Variants in EPHA6 observed in about 807,000 individuals in gnomAD.
EPHA6 encodes EPH receptor A6, also known as ephrin type-A receptor 6.
EPHA6 carries 50 observed loss-of-function variants against 112.0 expected under a neutral mutation model. That is an observed-to-expected ratio of 0.45 (90% CI 0.36 to 0.56). The LOEUF (loss-of-function observed/expected upper bound fraction) is 0.56. Among genes scored for constraint, EPHA6 ranks in the 20% least tolerant of loss-of-function variants. The pLI, the probability that EPHA6 is intolerant of heterozygous loss-of-function variation, is 0.00. For synonymous variants in EPHA6, 529 were observed against 490.7 expected, an observed-to-expected ratio of 1.08 and a Z score of -1.03; for missense variants, 1,280 against 1,417.4, an observed-to-expected ratio of 0.90 and a Z score of 1.56.
At chr3:97,447,919 A>C in intron 6 of EPHA6, 1 of 336,118 alleles carries the variant, frequency 3.0e-6, no homozygotes, top group Non-Finnish European at 4.4e-6. Flanking sequence ...CTATGTAACT[A>C]GTATATGTTT....
chr3:97,244,519 T>C, intron 5 of EPHA6: 1 of 522,166 alleles, frequency 1.9e-6, no homozygotes, highest in South Asian at 3.4e-5. Context: ...ACTGTTTATG[T>C]ACTCATGTAT....
At chr3:96,990,788 T>A (rs533760666) in intron 3 of EPHA6, among the ~76,000 whole-genome samples, 3 of 152,266 alleles carry the variant, frequency 2.0e-5, no homozygotes, top group East Asian at 3.9e-4. Context: ...TTATCATTGC[T>A]TTTATTGCCA....
intron 2 of EPHA6, among the ~76,000 whole-genome samples, chr3:96,868,524 G>T (rs538090891): frequency 6.6e-6 from 1 of 151,788 alleles, no homozygotes; most frequent in Non-Finnish European, 1.5e-5. Flanking sequence ...CATTAAAATT[G>T]TAATTATATC....
intron 10 of EPHA6, 51 bp from the exon 11 acceptor site, chr3:97,532,307 A>T: frequency 6.6e-7 from 1 of 1,510,572 alleles, no homozygotes; most frequent in Non-Finnish European, 9.0e-7. Context: ...GACTCTTCTG[A>T]AATGTAAGTG....
chr3:96,824,593 C>A (rs1209115062), intron 1 of EPHA6, among the ~76,000 whole-genome samples: 2 of 151,928 alleles, frequency 1.3e-5, no homozygotes, highest in East Asian at 3.9e-4. Context: ...AAACAGGAAA[C>A]ACAAAGGCAG....
chr3:96,882,743 T>C (rs917082271), intron 2 of EPHA6, among the ~76,000 whole-genome samples: 1 of 144,308 alleles, frequency 6.9e-6, no homozygotes, highest in African/African-American at 2.7e-5. Flanking sequence ...TGTGTGTGTG[T>C]GTGTGTGTGT....
At chr3:97,013,476 G>A (rs931994602) in intron 3 of EPHA6, among the ~76,000 whole-genome samples, 1 of 151,962 alleles carries the variant, frequency 6.6e-6, no homozygotes, top group Non-Finnish European at 1.5e-5. Flanking sequence ...TGTGATGGAG[G>A]CCTAATATTT....
chr3:97,372,389 G>A (rs187925852), intron 5 of EPHA6, among the ~76,000 whole-genome samples: 21 of 152,220 alleles, frequency 1.4e-4, no homozygotes, highest in Admixed American at 1.0e-3. Flanking sequence ...AAGTTAATAC[G>A]AAGATGTGCA....
chr3:97,545,356 T>G (rs2107689390), intron 11 of EPHA6, among the ~76,000 whole-genome samples: 1 of 152,324 alleles, frequency 6.6e-6, no homozygotes, highest in East Asian at 1.9e-4. Context: ...GTTGTTCAGT[T>G]TCCATGTAGT....
intron 6 of EPHA6, among the ~76,000 whole-genome samples, chr3:97,431,227 T>G (rs570442519): frequency 4.5e-4 from 68 of 152,250 alleles, no homozygotes; most frequent in African/African-American, 1.5e-3. Context: ...TATATTTTAA[T>G]TAGAAACTGA....
intron 10 of EPHA6, among the ~76,000 whole-genome samples, chr3:97,506,916 T>C (rs2092264715): frequency 6.6e-6 from 1 of 152,234 alleles, no homozygotes; most frequent in African/African-American, 2.4e-5. Context: ...CTAGGTATTT[T>C]ATTCCCTTTG....
chr3:97,749,100 T>C lies in EPHA6; in HGVS notation c.*399T>C, dbSNP rs2035829342. On this transcript the variant is annotated 3_prime_UTR_variant, in exon 18 of 18. Coordinates refer to ENST00000389672, the MANE Select transcript of EPHA6 (RefSeq NM_001080448.3). ...AGAACTAGTTGACCTTTCTTTCATG[T>C]TTTGTGATCAAGTAGCTTCCAAACT... 1.7e-5 allele frequency: 4 copies of C among 239,570 alleles called. No individual in the cohort carries two copies. In the Admixed American group the frequency reaches 2.1e-4, roughly 13 times the overall value. 14.8% of individuals were successfully genotyped at this position (239,570 alleles called of 1,614,324 possible). A position where few individuals can be genotyped will look rare whatever the true frequency, so the allele number is the denominator to read the frequency against.
rs2035867840 is a variant in EPHA6, at chr3:97,750,327, T to A, written c.*1626T>A. Among the ~76,000 whole-genome samples, 1 of 151,596 alleles carries A rather than the reference T, an allele frequency of 6.6e-6. No individual in the cohort carries two copies. The highest frequency in any genetic ancestry group is 2.1e-4 in the South Asian group (1 of 4,736). On this transcript the variant is annotated 3_prime_UTR_variant, in exon 18 of 18. Coordinates refer to ENST00000389672, the MANE Select transcript of EPHA6 (RefSeq NM_001080448.3). ...TTTTTTTTTAAATAAAGGACCCTGT[T>A]TTTGTTTTTTGTTTTTGTTTTTGTT...
At chr3:97,613,872 T>A (rs922896670) in intron 13 of EPHA6, among the ~76,000 whole-genome samples, 1 of 152,182 alleles carries the variant, frequency 6.6e-6, no homozygotes, top group Non-Finnish European at 1.5e-5. Context: ...CTAATTTCAC[T>A]AAAATTCACT....
chr3:96,943,920 G>A (rs2041114854), intron 2 of EPHA6, among the ~76,000 whole-genome samples: 1 of 152,104 alleles, frequency 6.6e-6, no homozygotes, highest in Admixed American at 6.6e-5. Flanking sequence ...AATGTAAGAT[G>A]AGTTTTGCAA....
chr3:96,867,572 A>G (rs2036391545), intron 2 of EPHA6, among the ~76,000 whole-genome samples: 3 of 151,774 alleles, frequency 2.0e-5, no homozygotes, highest in Admixed American at 6.6e-5. Context: ...TTTCTAAAGC[A>G]TTTTGCTTTG....
At chr3:97,555,144 T>C (rs1023555013) in intron 11 of EPHA6, among the ~76,000 whole-genome samples, 3 of 145,760 alleles carry the variant, frequency 2.1e-5, no homozygotes, top group Non-Finnish European at 4.5e-5. Context: ...TGTGCTCTCA[T>C]TGTTCAATTC....
intron 2 of EPHA6, among the ~76,000 whole-genome samples, chr3:96,936,913 T>C (rs534324865): frequency 5.3e-5 from 8 of 152,204 alleles, no homozygotes; most frequent in Non-Finnish European, 1.0e-4. Context: ...TCCACTTTCA[T>C]CCATGTCCCT....
chr3:96,942,981 A>T (rs1276731803), intron 2 of EPHA6, among the ~76,000 whole-genome samples: 3 of 152,000 alleles, frequency 2.0e-5, no homozygotes, highest in African/African-American at 7.2e-5. Context: ...CTAACTTTGT[A>T]TCCATTGACC....
Sources: gnomAD v4.1 joint callset for allele counts (sites outside exome capture counted in the v4.1 genomes callset) on GRCh38, gnomAD v4.1.1 for gene constraint, MANE v1.5 for transcripts, NCBI Gene and HGNC (gene_info 2026-07-23, HGNC 2026-07-21) for gene names.